The following ZNF469 variants were observed in gnomAD, a reference collection of about 807,000 sequenced individuals.
ZNF469 encodes the protein zinc finger protein 469.
A neutral mutation model predicts 1.0 loss-of-function variants in ZNF469; 1 was observed. The observed-to-expected ratio is 1.00, with a 90% CI of 0.35 to 4.73. ZNF469 has a LOEUF of 4.73. Ranked by LOEUF, ZNF469 falls within the 30% of genes most tolerant of loss-of-function variation. ZNF469 has a pLI of 0.16. For missense variants in ZNF469, 6,100 were observed against 5,356.3 expected (o/e 1.14, Z -4.33); for synonymous variants, 2,703 against 2,363.4 (o/e 1.14, Z -4.17).
chr16:88,334,857 C>T, the ZNF469 span, among the ~76,000 whole-genome samples: 34 of 147,858 alleles, frequency 2.3e-4, no homozygotes, highest in South Asian at 2.6e-3. Flanking sequence ...GTGACAGAGA[C>T]GGACGTGGGA....
At chr16:88,193,043 TGGTGATGATGGTGATGGTGG>T in the ZNF469 span, among the ~76,000 whole-genome samples, 1 of 147,810 alleles carries the variant, frequency 6.8e-6, no homozygotes, top group Admixed American at 6.7e-5. Context: ...GTGATGGTGG[TGGTGATGATGGTGATGGTGG>T]TGATGGTGGT....
chr16:88,361,102 T>C, the ZNF469 span, among the ~76,000 whole-genome samples: 2 of 152,210 alleles, frequency 1.3e-5, no homozygotes, highest in African/African-American at 4.8e-5. Context: ...TGGGAGACAG[T>C]GACAGATCAT....
Position 88,429,582 on chromosome 16 carries a change from C to T in ZNF469, c.2112C>T (p.Gly704=), listed in dbSNP as rs766745848. Residue 704 remains glycine, a synonymous_variant, in exon 3 of 3, where the codon GGC becomes GGT. Coordinates refer to ENST00000565624, the MANE Select transcript of ZNF469 (RefSeq NM_001367624.2). ...AGGTGGGTCGGGGAGGGCTGCAGGG[C>T]TTCCCCCGTGCGCCGCCTCCGTACC... ...GPEVGRGGLQ[G]FPRAPPPYPT... 1.9e-6 allele frequency: 3 copies of T among 1,549,742 alleles called. No homozygotes were observed. The highest frequency in any genetic ancestry group is 2.4e-5 in the South Asian group (2 of 84,036).
chr16:88,378,124 G>A (rs567213719), upstream of ZNF469, among the ~76,000 whole-genome samples: 20 of 152,210 alleles, frequency 1.3e-4, no homozygotes, highest in South Asian at 4.1e-4. Flanking sequence ...CCGCAGCACC[G>A]TAGCCTCTAG....
At chr16:88,206,089 C>T in the ZNF469 span, among the ~76,000 whole-genome samples, 1 of 152,150 alleles carries the variant, frequency 6.6e-6, no homozygotes, top group East Asian at 1.9e-4. Flanking sequence ...GCTGTGCTGA[C>T]CCCCCGTGTT....
At chr16:88,181,287 G>A in the ZNF469 span, among the ~76,000 whole-genome samples, 2 of 152,096 alleles carry the variant, frequency 1.3e-5, no homozygotes, top group African/African-American at 4.8e-5. Context: ...GGCTAGGATG[G>A]TGTTGATCTC....
At chr16:88,182,283 T>A in the ZNF469 span, among the ~76,000 whole-genome samples, 171 of 152,302 alleles carry the variant, frequency 1.1e-3, no homozygotes, top group African/African-American at 3.9e-3. Context: ...CTCAGTATTG[T>A]TAAGATGTAA....
chr16:88,431,111 A>C lies in ZNF469; in HGVS notation c.3641A>C (p.Glu1214Ala), dbSNP rs898760567. Residue 1214 changes from glutamate to alanine, a missense_variant, in exon 3 of 3, where the codon GAA becomes GCA. By Grantham distance (107) the Glu-to-Ala change is moderately radical. Transcript: ENST00000565624. Reference protein sequence around the residue: ...QVPTNTETSEETRPSLDFPQE... With the variant: ...QVPTNTETSEATRPSLDFPQE... ...CCCACCAACACCGAGACCTCAGAGGAAACCCGCCCGTCGCTGGACTTTCCC... is the reference window on the plus strand; with the variant it reads ...CCCACCAACACCGAGACCTCAGAGGCAACCCGCCCGTCGCTGGACTTTCCC... The C allele has an allele frequency of 1.1e-5, 17 of 1,550,154 alleles. No individual in the cohort carries two copies. The highest frequency in any genetic ancestry group is 1.5e-5 in the Non-Finnish European group (17 of 1,146,904).
chr16:88,240,548 G>C, the ZNF469 span, among the ~76,000 whole-genome samples: 1 of 152,156 alleles, frequency 6.6e-6, no homozygotes, highest in South Asian at 2.1e-4. Context: ...TATGCAGAAC[G>C]TGGGGTCCAC....
At chr16:88,125,547 G>C in the ZNF469 span, among the ~76,000 whole-genome samples, 10 of 152,180 alleles carry the variant, frequency 6.6e-5, no homozygotes, top group African/African-American at 1.9e-4. Flanking sequence ...TAACTCTATC[G>C]AGTAATCCAA....
rs1906372428 is a variant in ZNF469, at chr16:88,433,820, C to T, written c.6350C>T (p.Pro2117Leu). The change falls in exon 3 of 3, where the codon CCC (proline) becomes CTC (leucine). Residue 2117 changes from proline to leucine, a missense_variant. Transcript: ENST00000565624. ...VGDLAACAPS[P>L]TSAAHMPCSL... ...GACCTGGCCGCCTGCGCCCCCTCAC[C>T]CACTTCAGCCGCCCACATGCCCTGC... 1.3e-6 allele frequency: 2 copies of T among 1,549,916 alleles called. No individual in the cohort carries two copies. The highest frequency in any genetic ancestry group is 1.7e-6 in the Non-Finnish European group (2 of 1,146,830).
intron 1 of ZNF469, among the ~76,000 whole-genome samples, chr16:88,395,237 AGATGGATGGATGGATG>A (rs750119902): frequency 2.6e-3 from 92 of 35,946 alleles, no homozygotes; most frequent in African/African-American, 9.7e-3. Flanking sequence ...GTGGATGGGT[AGATGGATGGATGGATG>A]GATGGATGGA....
the ZNF469 span, among the ~76,000 whole-genome samples, chr16:88,183,539 C>A: frequency 6.6e-6 from 1 of 152,172 alleles, no homozygotes; most frequent in African/African-American, 2.4e-5. Flanking sequence ...AAGTCTCCAT[C>A]CTGTGGGAGT....
chr16:88,278,826 C>A, the ZNF469 span, among the ~76,000 whole-genome samples: 1 of 128,414 alleles, frequency 7.8e-6, no homozygotes, highest in South Asian at 2.5e-4. Context: ...CGCTGACACT[C>A]GGTCAGTACC....
rs879666605 is a variant in ZNF469 at position 88,387,329 on chromosome 16, C to G, written c.-192+4075C>G. 7.2e-5 allele frequency among the ~76,000 whole-genome samples: 11 copies of G among 152,346 alleles called. No homozygotes were observed. The South Asian group carries it at 2.1e-3, about 29-fold the overall frequency. The stretch of plus-strand genomic sequence containing the variant: ...GTCCACGTCACTCCCGGTTCTCCCC[C>G]CTTGGTCTGGGTTCACCAGGCTGGC... On this transcript the variant is annotated intron_variant, in intron 1 of 2. Coordinates refer to ENST00000565624, the MANE Select transcript of ZNF469 (RefSeq NM_001367624.2).
chr16:88,415,625 A>G (rs1905281692), intron 1 of ZNF469, among the ~76,000 whole-genome samples: 1 of 152,222 alleles, frequency 6.6e-6, no homozygotes, highest in Admixed American at 6.5e-5. Flanking sequence ...GATGTCTTCC[A>G]GGGGCAGGAG....
At chr16:88,263,599 A>G in the ZNF469 span, among the ~76,000 whole-genome samples, 5 of 152,130 alleles carry the variant, frequency 3.3e-5, no homozygotes, top group East Asian at 9.7e-4. Context: ...AGGAGGGTGG[A>G]TTGGGACTTT....
intron 1 of ZNF469, among the ~76,000 whole-genome samples, chr16:88,423,818 A>C (rs1567507114): frequency 6.6e-6 from 1 of 152,202 alleles, no homozygotes; most frequent in Non-Finnish European, 1.5e-5. Context: ...GTGTGATCTA[A>C]GTGTGCAAGG....
At chr16:88,265,894 G>A in the ZNF469 span, among the ~76,000 whole-genome samples, 1 of 152,358 alleles carries the variant, frequency 6.6e-6, no homozygotes, top group African/African-American at 2.4e-5. Context: ...GATGAAGGTG[G>A]TTGGCTCAGC....
Sources: allele counts gnomAD v4.1 joint callset (sites outside exome capture counted in the v4.1 genomes callset), GRCh38; gene constraint gnomAD v4.1.1; transcripts MANE v1.5; gene names NCBI Gene and HGNC (gene_info 2026-07-23, HGNC 2026-07-21).